PKHD1L1: variants seen among roughly 807,000 people sequenced by gnomAD.
The protein encoded by PKHD1L1 is fibrocystin-L.
A neutral mutation model predicts 462.9 loss-of-function variants in PKHD1L1; 434 were observed. The ratio of observed to expected loss-of-function variants is 0.94; its 90% CI spans 0.87 to 1.02. The LOEUF (loss-of-function observed/expected upper bound fraction) is 1.02, where lower values mean the gene tolerates loss of function less well. Among genes scored for constraint, PKHD1L1 ranks in the 50% least tolerant of loss-of-function variants. The pLI is 0.00. For synonymous variants in PKHD1L1, 1,781 were observed against 1,750.0 expected, an observed-to-expected ratio of 1.02 and a Z score of -0.44; for missense variants, 5,202 against 5,096.1, an observed-to-expected ratio of 1.02 and a Z score of -0.63.
At chr8:109,527,480 C>A (rs182630138) in intron 77 of PKHD1L1, among the ~76,000 whole-genome samples, 4 of 151,884 alleles carry the variant, frequency 2.6e-5, no homozygotes, top group African/African-American at 7.3e-5. Context: ...CTCCAGCCTG[C>A]GTGACAGAAC....
chr8:109,425,282 T>C, intron 24 of PKHD1L1, 50 bp downstream of exon 24: 1 of 1,398,690 alleles, frequency 7.1e-7, no homozygotes. Flanking sequence ...CACATATGTA[T>C]AACCTTATAA....
chr8:109,385,510 C>CT, intron 5 of PKHD1L1, 27 bp from the exon 6 acceptor site: 1 of 1,457,322 alleles, frequency 6.9e-7, no homozygotes, highest in African/African-American at 1.4e-5. Context: ...TACACAGAAT[C>CT]TTTTTGGGGT....
chr8:109,404,671 A>G lies in PKHD1L1; in HGVS notation c.1491A>G (p.Glu497=). Residue 497 remains glutamate, a synonymous_variant, in exon 15 of 78, where the codon GAA becomes GAG. Transcript: ENST00000378402. ...EQQTGDAVNE[E]QVIKSQSTIL... ...AAACAGGAGATGCAGTGAATGAAGA[A>G]CAAGTTATCAAATCCCAGTCGACAA... is the stretch of plus-strand genomic sequence containing the variant. The G allele has an allele frequency of 1.9e-6, 3 of 1,608,226 alleles. No individual in the cohort carries two copies. The highest frequency in any genetic ancestry group is 2.5e-6 in the Non-Finnish European group (3 of 1,177,006).
rs547536734 is a variant in PKHD1L1 at position 109,400,364 on chromosome 8, C to G, written c.1281+20C>G. On this transcript the variant is annotated intron_variant, in intron 13 of 77. Coordinates refer to ENST00000378402, the MANE Select transcript of PKHD1L1 (RefSeq NM_177531.6). ...GATAAGGTAGGGAAGCCTCAGAATA[C>G]TATTTGATACTGTAAAAACATTATG... 2.5e-6 allele frequency: 4 copies of G among 1,595,570 alleles called. No homozygotes were observed. In the African/African-American group the frequency reaches 5.4e-5, roughly 22 times the overall value.
In PKHD1L1 at chr8:109,406,486, T is replaced by C. The variant is rs373089465; in HGVS notation, c.1813+8T>C. 19 of 1,586,868 alleles carry C rather than the reference T, an allele frequency of 1.2e-5. No homozygotes were observed. The highest frequency in any genetic ancestry group is 1.6e-5 in the Non-Finnish European group (19 of 1,167,214). On this transcript the variant is annotated splice_region_variant and intron_variant, in intron 17 of 77. Coordinates refer to ENST00000378402, the MANE Select transcript of PKHD1L1 (RefSeq NM_177531.6). ...CATTCATATCAACTAGAGGTAAGCATGTACTTAATTTTGTACTTCTGTAGG... is the reference window on the plus strand; with the variant it reads ...CATTCATATCAACTAGAGGTAAGCACGTACTTAATTTTGTACTTCTGTAGG...
At chr8:109,433,671 A>AT (rs1226297431) in intron 28 of PKHD1L1, among the ~76,000 whole-genome samples, 3 of 152,140 alleles carry the variant, frequency 2.0e-5, no homozygotes, top group East Asian at 1.9e-4. Flanking sequence ...GATCATTCAA[A>AT]TTTTTTTAAC....
intron 2 of PKHD1L1, among the ~76,000 whole-genome samples, chr8:109,374,765 A>C (rs1215226389): frequency 6.6e-6 from 1 of 152,086 alleles, no homozygotes; most frequent in Admixed American, 6.5e-5. Flanking sequence ...TATGAAGCTT[A>C]GTTTGGCTGG....
intron 50 of PKHD1L1, among the ~76,000 whole-genome samples, chr8:109,468,761 G>A (rs1817573364): frequency 6.6e-6 from 1 of 152,130 alleles, no homozygotes; most frequent in South Asian, 2.1e-4. Context: ...ATTAGCATCA[G>A]TTTAGAGCCA....
chr8:109,397,571 T>A (rs1398508373), intron 11 of PKHD1L1, among the ~76,000 whole-genome samples: 1 of 152,006 alleles, frequency 6.6e-6, no homozygotes, highest in Non-Finnish European at 1.5e-5. Flanking sequence ...ATGCCCGTAG[T>A]TCCAGCTACT....
Position 109,438,310 on chromosome 8 carries a change from TCC to T in PKHD1L1, c.3628-13_3628-12del. The stretch of plus-strand genomic sequence containing the variant: ...AACAATTAATATTTTCTAATTTTTT[TCC>T]TCTTATTTTAGAAAACTGAGGGTAC... On this transcript the variant is annotated splice_polypyrimidine_tract_variant and intron_variant, in intron 30 of 77. Coordinates refer to ENST00000378402, the MANE Select transcript of PKHD1L1 (RefSeq NM_177531.6). 6.9e-7 allele frequency: 1 copy of T among 1,453,004 alleles called. No homozygotes were observed. The highest frequency in any genetic ancestry group is 9.2e-7 in the Non-Finnish European group (1 of 1,083,740). The allele number at this position is 1,453,004 out of a possible 1,614,324, so 90.0% of individuals were successfully genotyped here.
chr8:109,408,223 T>C lies in PKHD1L1; in HGVS notation c.1971+17T>C, dbSNP rs778836385. 6.2e-7 allele frequency: 1 copy of C among 1,603,610 alleles called. No homozygotes were observed. The highest frequency in any genetic ancestry group is 8.5e-7 in the Non-Finnish European group (1 of 1,173,776). On this transcript the variant is annotated intron_variant, in intron 18 of 77. Transcript: ENST00000378402. ...GAAGCTGAAGTACGGTGTAGGAATG[T>C]TTCTACCACGCATTTTCCCTGCACC... is the stretch of plus-strand genomic sequence containing the variant.
At chr8:109,410,726 C>CTTTTTTTTTTTTTTTTTT (rs71303459) in intron 19 of PKHD1L1, among the ~76,000 whole-genome samples, 22 of 68,398 alleles carry the variant, frequency 3.2e-4, no homozygotes, top group African/African-American at 7.3e-4. Flanking sequence ...TTTTCTTTTT[C>CTTTTTTTTTTTTTTTTTT]TTTTTTTTTT....
chr8:109,424,666 G>T (rs926385805), intron 23 of PKHD1L1, among the ~76,000 whole-genome samples: 1 of 151,814 alleles, frequency 6.6e-6, no homozygotes, highest in Non-Finnish European at 1.5e-5. Context: ...TAAATTGTTG[G>T]TTAACTTTTC....
intron 71 of PKHD1L1, among the ~76,000 whole-genome samples, chr8:109,514,822 A>T (rs1418546827): frequency 6.6e-6 from 1 of 152,130 alleles, no homozygotes; most frequent in East Asian, 1.9e-4. Context: ...TGGCTGCATT[A>T]TACAGAGTAT....
At chr8:109,382,961 A>G (rs914693184) in intron 4 of PKHD1L1, among the ~76,000 whole-genome samples, 1 of 147,896 alleles carries the variant, frequency 6.8e-6, no homozygotes, top group Non-Finnish European at 1.5e-5. Context: ...TGTAAGAGCC[A>G]CTCAAAATTT....
chr8:109,441,225 T>A (rs756619683), intron 33 of PKHD1L1, 50 bp from the exon 34 acceptor site: 40 of 1,252,478 alleles, frequency 3.2e-5, no homozygotes, highest in African/African-American at 7.8e-5. Context: ...CAAAAAAAAA[T>A]TTGACAAAAT....
chr8:109,490,560 G>A (rs185189881), intron 60 of PKHD1L1, among the ~76,000 whole-genome samples: 3 of 151,608 alleles, frequency 2.0e-5, no homozygotes, highest in South Asian at 2.1e-4. Context: ...TCACTGAATG[G>A]TTCTTAGAGA....
chr8:109,498,563 AT>A lies in PKHD1L1; in HGVS notation c.10702del (p.Ser3568LeufsTer30), dbSNP rs1819239942. 1 of 1,612,226 alleles carries A rather than the reference AT, an allele frequency of 6.2e-7. No individual in the cohort carries two copies. Among genetic ancestry groups the A allele is most frequent in the Non-Finnish European group, 8.5e-7 (1 of 1,178,382 alleles). On this transcript the variant is annotated frameshift_variant, in exon 66 of 78. Coordinates refer to ENST00000378402, the MANE Select transcript of PKHD1L1 (RefSeq NM_177531.6). LOFTEE classifies it high-confidence loss of function. ...TCACTGCTGCTCATCGGAGTCCTAG[AT>A]CTCCATCAGGTGAAAAATTTGAAAC... ...ELTAAHRSPR[S>X]PSGGRSGICW...
chr8:109,512,949 T>G (rs1820071680), intron 71 of PKHD1L1, among the ~76,000 whole-genome samples: 1 of 152,186 alleles, frequency 6.6e-6, no homozygotes, highest in African/African-American at 2.4e-5. Flanking sequence ...TTTTATTTTC[T>G]TTGAAGCAAT....
Sources: gnomAD v4.1 joint callset for allele counts (sites outside exome capture counted in the v4.1 genomes callset) on GRCh38, gnomAD v4.1.1 for gene constraint, MANE v1.5 for transcripts, NCBI Gene and HGNC (gene_info 2026-07-23, HGNC 2026-07-21) for gene names.